Variants in STK32A observed in about 807,000 individuals in gnomAD.
STK32A encodes the protein serine/threonine-protein kinase 32A.
STK32A carries 41 observed loss-of-function variants against 53.2 expected under a neutral mutation model. That is an observed-to-expected ratio of 0.77 (90% confidence interval 0.60 to 1.00). The LOEUF (loss-of-function observed/expected upper bound fraction) is 1.00. STK32A is among the 50% of genes least tolerant of loss of function. STK32A has a pLI of 0.00. For missense variants in STK32A, 458 were observed against 485.8 expected (o/e 0.94, Z 0.54); for synonymous variants, 166 against 162.8 (o/e 1.02, Z -0.15).
rs182332031 is a variant in STK32A at position 147,280,226 on chromosome 5, A to G, written c.260+828A>G. Among the ~76,000 whole-genome samples, 569 of 152,134 alleles carry G rather than the reference A, an allele frequency of 3.7e-3. 1 individual carries two copies. Among genetic ancestry groups the G allele is most frequent in the African/African-American group, 8.5e-3 (352 of 41,488 alleles). On this transcript the variant is annotated intron_variant, in intron 4 of 12. Transcript: ENST00000397936. ...AAATCTCTAGCTGAACTTGGTGACA[A>G]TTTGAACAGGGTGAGAAAGCGCCTG... is the stretch of plus-strand genomic sequence containing the variant.
intron 7 of STK32A, among the ~76,000 whole-genome samples, chr5:147,354,508 A>G (rs1756129856): frequency 6.6e-6 from 1 of 152,262 alleles, no homozygotes. Context: ...ATTGGAACCT[A>G]GGAAAAATTC....
intron 2 of STK32A, among the ~76,000 whole-genome samples, chr5:147,240,992 A>C (rs1753547725): frequency 6.6e-6 from 1 of 152,118 alleles, no homozygotes; most frequent in African/African-American, 2.4e-5. Context: ...ACTTCCACTT[A>C]CCTAGATACA....
intron 4 of STK32A, among the ~76,000 whole-genome samples, chr5:147,292,919 G>A (rs1407359482): frequency 6.6e-6 from 1 of 151,934 alleles, no homozygotes; most frequent in African/African-American, 2.4e-5. Context: ...GTTAACTCTT[G>A]TTCTGTTTGA....
chr5:147,251,442 G>T (rs1191029055), intron 2 of STK32A, among the ~76,000 whole-genome samples: 1 of 152,164 alleles, frequency 6.6e-6, no homozygotes, highest in African/African-American at 2.4e-5. Flanking sequence ...AACATAGCAG[G>T]ACTGGACAGA....
intron 7 of STK32A, among the ~76,000 whole-genome samples, chr5:147,356,095 A>G (rs1487598323): frequency 2.0e-5 from 3 of 152,086 alleles, no homozygotes; most frequent in Non-Finnish European, 2.9e-5. Flanking sequence ...TATTGTTTAG[A>G]TTTTACAAGT....
chr5:147,280,077 C>G (rs1410843999), intron 4 of STK32A, among the ~76,000 whole-genome samples: 3 of 152,136 alleles, frequency 2.0e-5, no homozygotes, highest in Admixed American at 2.0e-4. Flanking sequence ...CAGTGAAATA[C>G]ACGGGGAGAA....
At chr5:147,355,779 TGA>T (rs201441131) in intron 7 of STK32A, among the ~76,000 whole-genome samples, 29,137 of 139,610 alleles carry the variant, frequency 0.21, 3,737 homozygotes, top group African/African-American at 0.38. Context: ...TGTATGTGTG[TGA>T]GTGTGTGTGT....
intron 4 of STK32A, among the ~76,000 whole-genome samples, chr5:147,305,972 T>C (rs1753385406): frequency 6.6e-6 from 1 of 151,544 alleles, no homozygotes; most frequent in Admixed American, 6.6e-5. Flanking sequence ...TATTTTGGAA[T>C]ATAAACTTAA....
chr5:147,363,263 C>T (rs1756592133), intron 8 of STK32A, among the ~76,000 whole-genome samples: 1 of 152,038 alleles, frequency 6.6e-6, no homozygotes, highest in African/African-American at 2.4e-5. Context: ...AAAGCAAATT[C>T]TATTATATCT....
chr5:147,346,224 T>C lies in STK32A; in HGVS notation c.472+3181T>C, dbSNP rs376260861. ...GAGTGTCTGCTGGTGTGACTTTCCA[T>C]GTGGAGCTCATATTTGAAGACCTCA... On this transcript the variant is annotated intron_variant, in intron 6 of 12. Coordinates refer to ENST00000397936, the MANE Select transcript of STK32A (RefSeq NM_001112724.2). Among the ~76,000 whole-genome samples the C allele has an allele frequency of 1.7e-4, 26 of 152,310 alleles. No individual in the cohort carries two copies. In the South Asian group the frequency reaches 5.4e-3, roughly 32 times the overall value.
chr5:147,328,988 A>G (rs9686755), intron 5 of STK32A, among the ~76,000 whole-genome samples: 50,692 of 151,962 alleles, frequency 0.33, 9,713 homozygotes, highest in Non-Finnish European at 0.43. Context: ...ACCCCCCACT[A>G]TAACGAGGTT....
Position 147,323,929 on chromosome 5 carries a change from A to G in STK32A, c.292A>G (p.Met98Val), listed in dbSNP as rs1470124891. 1.2e-6 allele frequency: 2 copies of G among 1,613,690 alleles called. No individual in the cohort carries two copies. Among genetic ancestry groups the G allele is most frequent in the East Asian group, 2.2e-5 (1 of 44,876 alleles). Residue 98 changes from methionine (M) to valine (V), a missense_variant, in exon 5 of 13, where the codon ATG becomes GTG. Met to Val is a conservative substitution (Grantham distance 21). Transcript: ENST00000397936. ...YSFQDEEDMF[M>V]VVDLLLGGDL... ...CTTCCAAGATGAGGAAGACATGTTC[A>G]TGGTGGTGGACCTCCTGCTGGGTGG...
intron 4 of STK32A, among the ~76,000 whole-genome samples, chr5:147,282,250 C>A (rs2216775): frequency 0.84 from 127,905 of 151,884 alleles, 54,206 homozygotes; most frequent in African/African-American, 0.91. Context: ...GACCACCCCC[C>A]AAAAAATGTG....
At chr5:147,383,805 T>C (rs1757546527) in intron 12 of STK32A, 85 bp from the exon 13 acceptor site, 7 of 1,208,204 alleles carry the variant, frequency 5.8e-6, no homozygotes, top group Non-Finnish European at 7.9e-6. Context: ...TATAAATTAT[T>C]GGGCTTAATA....
intron 6 of STK32A, among the ~76,000 whole-genome samples, chr5:147,348,981 C>T (rs569604879): frequency 1.3e-5 from 2 of 152,262 alleles, no homozygotes; most frequent in Admixed American, 6.5e-5. Context: ...AGACTTGAAG[C>T]CAAGCAGTCT....
chr5:147,341,254 A>G (rs1017181819), intron 5 of STK32A, among the ~76,000 whole-genome samples: 8 of 152,184 alleles, frequency 5.3e-5, no homozygotes, highest in African/African-American at 1.9e-4. Flanking sequence ...AGAGGTGGAA[A>G]GAGCCCGACA....
chr5:147,401,812 C>T, the STK32A span: 1 of 1,295,808 alleles, frequency 7.7e-7, no homozygotes, highest in Non-Finnish European at 1.0e-6. Flanking sequence ...GTCAGACTGA[C>T]CTGGGTTCAA....
chr5:147,323,377 T>C (rs1754412418), intron 4 of STK32A, among the ~76,000 whole-genome samples: 2 of 152,228 alleles, frequency 1.3e-5, no homozygotes, highest in African/African-American at 4.8e-5. Flanking sequence ...TTGTACTGTG[T>C]GCTTAGTTCT....
intron 4 of STK32A, among the ~76,000 whole-genome samples, chr5:147,311,712 G>C (rs1753706641): frequency 6.6e-6 from 1 of 152,132 alleles, no homozygotes; most frequent in Admixed American, 6.5e-5. Flanking sequence ...GACTACAGGT[G>C]CATGCCACTA....
Sources: allele counts gnomAD v4.1 joint callset (sites outside exome capture counted in the v4.1 genomes callset), GRCh38; gene constraint gnomAD v4.1.1; transcripts MANE v1.5; gene names NCBI Gene and HGNC (gene_info 2026-07-23, HGNC 2026-07-21).